The following PPP1R9A variants were observed in gnomAD, a reference collection of about 807,000 sequenced individuals.
PPP1R9A encodes the protein protein phosphatase 1 regulatory subunit 9A.
Under a neutral mutation model 141.9 loss-of-function variants are expected in PPP1R9A, and 59 were observed. That is an observed-to-expected ratio of 0.42 (90% CI 0.34 to 0.52). The LOEUF is 0.52. PPP1R9A is among the 20% of genes least tolerant of loss of function. The pLI is 0.10. For missense variants in PPP1R9A, 1,444 were observed against 1,611.9 expected, an observed-to-expected ratio of 0.90 and a Z score of 1.78; for synonymous variants, 500 against 569.7, an observed-to-expected ratio of 0.88 and a Z score of 1.74.
chr7:95,068,473 G>GGAA (rs1554491161), intron 2 of PPP1R9A, among the ~76,000 whole-genome samples: 51 of 94,234 alleles, frequency 5.4e-4, no homozygotes, highest in African/African-American at 2.0e-3. Context: ...CTTGTCTCAA[G>GGAA]AAAAAAAAAA....
chr7:95,238,640 A>AAG (rs975925235), intron 8 of PPP1R9A, among the ~76,000 whole-genome samples: 2 of 152,166 alleles, frequency 1.3e-5, no homozygotes, highest in African/African-American at 4.8e-5. Flanking sequence ...AGTTGAATTC[A>AAG]AGAGAGACAG....
chr7:95,286,056 T>TCAA (rs1259309245), intron 17 of PPP1R9A, 150 bp from the exon 18 acceptor site: 2 of 1,292,082 alleles, frequency 1.5e-6, no homozygotes, highest in African/African-American at 3.0e-5. Flanking sequence ...TGCAGCATTC[T>TCAA]CAACCGCTGC....
intron 2 of PPP1R9A, among the ~76,000 whole-genome samples, chr7:95,086,829 T>C (rs1289275849): frequency 6.6e-6 from 1 of 151,970 alleles, no homozygotes; most frequent in East Asian, 1.9e-4. Flanking sequence ...ACTTATAAAG[T>C]AGTTGCTAGT....
chr7:95,070,772 T>C (rs1813706868), intron 2 of PPP1R9A, among the ~76,000 whole-genome samples: 1 of 151,688 alleles, frequency 6.6e-6, no homozygotes, highest in African/African-American at 2.4e-5. Flanking sequence ...TTCCCCATTT[T>C]AGAGTCATTA....
chr7:95,123,659 A>C (rs1271108625), intron 4 of PPP1R9A, among the ~76,000 whole-genome samples: 1 of 152,146 alleles, frequency 6.6e-6, no homozygotes, highest in African/African-American at 2.4e-5. Flanking sequence ...AAAAACAAAA[A>C]ACAAAAAAAA....
intron 2 of PPP1R9A, among the ~76,000 whole-genome samples, chr7:94,997,234 G>A (rs1196879043): frequency 6.6e-6 from 1 of 151,502 alleles, no homozygotes; most frequent in African/African-American, 2.4e-5. Flanking sequence ...CATTTCCATG[G>A]TCTACTAAGT....
At chr7:95,174,074 A>G (rs1375615177) in intron 5 of PPP1R9A, among the ~76,000 whole-genome samples, 2 of 152,154 alleles carry the variant, frequency 1.3e-5, no homozygotes, top group Non-Finnish European at 1.5e-5. Flanking sequence ...GCATATTCAT[A>G]GCAGCTTTTT....
intron 8 of PPP1R9A, among the ~76,000 whole-genome samples, chr7:95,244,059 C>T (rs60882779): frequency 0.056 from 8,480 of 152,148 alleles, 523 homozygotes; most frequent in East Asian, 0.35. Flanking sequence ...TTAAAATAAT[C>T]GCATATTTTT....
chr7:94,994,848 C>T (rs552509053), intron 2 of PPP1R9A, among the ~76,000 whole-genome samples: 3 of 151,548 alleles, frequency 2.0e-5, no homozygotes, highest in East Asian at 2.0e-4. Flanking sequence ...GTTGACATCG[C>T]GCCACCACAC....
intron 12 of PPP1R9A, among the ~76,000 whole-genome samples, chr7:95,264,234 C>T (rs1040980210): frequency 1.1e-4 from 16 of 152,182 alleles, no homozygotes; most frequent in Non-Finnish European, 1.5e-4. Context: ...AAAATGCCAC[C>T]AAGTGCCTCA....
At chr7:95,032,183 A>G (rs17166593) in intron 2 of PPP1R9A, among the ~76,000 whole-genome samples, 1 of 152,060 alleles carries the variant, frequency 6.6e-6, no homozygotes, top group African/African-American at 2.4e-5. Flanking sequence ...GATGCAGTTT[A>G]TCACCATTCC....
At chr7:95,042,354 A>C (rs944653135) in intron 2 of PPP1R9A, among the ~76,000 whole-genome samples, 1 of 152,194 alleles carries the variant, frequency 6.6e-6, no homozygotes, top group Non-Finnish European at 1.5e-5. Flanking sequence ...TATTTTTAAA[A>C]ACTGATATGT....
At chr7:95,235,866 C>T (rs1392304932) in intron 8 of PPP1R9A, among the ~76,000 whole-genome samples, 1 of 152,126 alleles carries the variant, frequency 6.6e-6, no homozygotes, top group Non-Finnish European at 1.5e-5. Context: ...GAATTGGAGA[C>T]TATTATTCTA....
At chr7:94,911,950 C>T (rs1159885721) in intron 2 of PPP1R9A, among the ~76,000 whole-genome samples, 2 of 151,876 alleles carry the variant, frequency 1.3e-5, no homozygotes, top group Admixed American at 6.6e-5. Flanking sequence ...GAATAATATT[C>T]GATTTACTTT....
intron 5 of PPP1R9A, among the ~76,000 whole-genome samples, chr7:95,189,374 G>A (rs1835125959): frequency 1.3e-5 from 2 of 149,778 alleles, no homozygotes; most frequent in South Asian, 2.1e-4. Context: ...AGGAACACCA[G>A]TTATTCTTAG....
chr7:95,099,121 T>G (rs1243774408), intron 2 of PPP1R9A, among the ~76,000 whole-genome samples: 1 of 152,176 alleles, frequency 6.6e-6, no homozygotes, highest in Admixed American at 6.5e-5. Flanking sequence ...GCAGTTGTAG[T>G]AAAAGAAGCA....
Position 95,176,163 on chromosome 7 carries a change from T to C in PPP1R9A, c.1754+14192T>C, listed in dbSNP as rs142431158. On this transcript the variant is annotated intron_variant, in intron 5 of 19. Coordinates refer to ENST00000433360, the MANE Select transcript of PPP1R9A (RefSeq NM_001166160.2). Reference sequence around the variant, plus strand: ...TATCCATGGCTGAGAGACCCATAGATGGTTCACATCACAGGACTCTGTGCA... The same window carrying C: ...TATCCATGGCTGAGAGACCCATAGACGGTTCACATCACAGGACTCTGTGCA... Among the ~76,000 whole-genome samples, 734 of 152,186 alleles carry C rather than the reference T, an allele frequency of 4.8e-3. 5 individuals are homozygous for C. The highest frequency in any genetic ancestry group is 0.017 in the African/African-American group (692 of 41,528).
intron 2 of PPP1R9A, among the ~76,000 whole-genome samples, chr7:94,986,832 G>T (rs893315864): frequency 2.0e-5 from 3 of 152,236 alleles, no homozygotes; most frequent in Non-Finnish European, 2.9e-5. Context: ...AGCTGCTGCT[G>T]CTTCTAGTTT....
chr7:95,273,881 C>T lies in PPP1R9A; in HGVS notation c.3125-18C>T, dbSNP rs1303502262. 1 of 1,474,432 alleles carries T rather than the reference C, an allele frequency of 6.8e-7. No homozygotes were observed. The highest frequency in any genetic ancestry group is 9.3e-7 in the Non-Finnish European group (1 of 1,080,306). The allele number at this position is 1,474,432 out of a possible 1,614,324, so 91.3% of individuals were successfully genotyped here. A position where few individuals can be genotyped will look rare whatever the true frequency, so the allele number is the denominator to read the frequency against. ...AAATAATAATAATTGATCTTTTTCA[C>T]AAATGTGTATATCCTAGATGATGCC... On this transcript the variant is annotated intron_variant, in intron 14 of 19. Transcript: ENST00000433360.
Sources: allele counts gnomAD v4.1 joint callset (sites outside exome capture counted in the v4.1 genomes callset), GRCh38; gene constraint gnomAD v4.1.1; transcripts MANE v1.5; gene names NCBI Gene and HGNC (gene_info 2026-07-23, HGNC 2026-07-21).